Variants in CREB5 observed in about 807,000 individuals in gnomAD.
The protein encoded by CREB5 is cyclic AMP-responsive element-binding protein 5.
A neutral mutation model predicts 57.1 loss-of-function variants in CREB5; 19 were observed. That is an observed-to-expected ratio of 0.33 (90% CI 0.23 to 0.49). CREB5 has a LOEUF of 0.49. Among genes scored for constraint, CREB5 ranks in the 20% least tolerant of loss-of-function variants. CREB5 has a pLI of 0.99. For missense variants in CREB5, 579 were observed against 671.6 expected, an observed-to-expected ratio of 0.86 and a Z score of 1.52; for synonymous variants, 238 against 238.3, an observed-to-expected ratio of 1.00 and a Z score of 0.01.
chr7:28,675,236 C>T lies in CREB5; in HGVS notation c.465-43517C>T, dbSNP rs115077515. On this transcript the variant is annotated intron_variant, in intron 5 of 10. Transcript: ENST00000357727. ...CTAAAGTAAGAGTATTTGCTGTTTACGTGTTGATTATCTCTTTCGACCCAT... is the reference window on the plus strand; with the variant it reads ...CTAAAGTAAGAGTATTTGCTGTTTATGTGTTGATTATCTCTTTCGACCCAT... 9.4e-3 allele frequency among the ~76,000 whole-genome samples: 1,436 copies of T among 152,284 alleles called. 25 individuals are homozygous for T. Among genetic ancestry groups the T allele is most frequent in the African/African-American group, 0.033 (1,355 of 41,540 alleles).
chr7:28,721,574 A>G (rs1803033976), intron 6 of CREB5, among the ~76,000 whole-genome samples: 1 of 152,174 alleles, frequency 6.6e-6, no homozygotes, highest in African/African-American at 2.4e-5. Flanking sequence ...TGAGGACAGG[A>G]TTCTTCACTG....
chr7:28,718,663 G>A, intron 5 of CREB5, 90 bp from the exon 6 acceptor site: 1 of 1,545,988 alleles, frequency 6.5e-7, no homozygotes, highest in Non-Finnish European at 8.8e-7. Flanking sequence ...TGCTGCACAT[G>A]TGACATTGTT....
intron 5 of CREB5, among the ~76,000 whole-genome samples, chr7:28,672,346 A>G (rs1296856774): frequency 1.3e-5 from 2 of 152,134 alleles, no homozygotes. Context: ...GAGATAACAG[A>G]TTGCTTTGTA....
chr7:28,537,987 A>T (rs1425396002), intron 4 of CREB5, among the ~76,000 whole-genome samples: 3 of 152,156 alleles, frequency 2.0e-5, no homozygotes, highest in African/African-American at 7.2e-5. Flanking sequence ...TGGGGGAAAA[A>T]ATCTGTATGT....
intron 7 of CREB5, among the ~76,000 whole-genome samples, chr7:28,733,016 T>C (rs1434958931): frequency 3.9e-5 from 6 of 152,184 alleles, no homozygotes; most frequent in Non-Finnish European, 8.8e-5. Flanking sequence ...AATCATTAGC[T>C]TCACAGGATA....
intron 4 of CREB5, among the ~76,000 whole-genome samples, chr7:28,560,635 A>G (rs1450260879): frequency 6.6e-6 from 1 of 152,104 alleles, no homozygotes; most frequent in South Asian, 2.1e-4. Flanking sequence ...GGCAAGGCAG[A>G]TGTGGGAACC....
At chr7:28,597,579 T>C (rs141083446) in intron 5 of CREB5, among the ~76,000 whole-genome samples, 2 of 152,014 alleles carry the variant, frequency 1.3e-5, no homozygotes, top group African/African-American at 4.8e-5. Context: ...CTGGGAGGAG[T>C]CCAAGGTCAG....
chr7:28,725,858 T>C (rs1320620226), intron 7 of CREB5, among the ~76,000 whole-genome samples: 2 of 152,130 alleles, frequency 1.3e-5, no homozygotes, highest in Non-Finnish European at 2.9e-5. Flanking sequence ...TCCAGATAGA[T>C]ATTAGGTAGA....
chr7:28,551,929 T>C (rs912997166), intron 4 of CREB5, among the ~76,000 whole-genome samples: 1 of 147,936 alleles, frequency 6.8e-6, no homozygotes. Flanking sequence ...TTTTTCTTTC[T>C]TTCTTTTTTC....
chr7:28,691,145 C>T (rs962464599), intron 5 of CREB5, among the ~76,000 whole-genome samples: 6 of 152,104 alleles, frequency 3.9e-5, no homozygotes, highest in Non-Finnish European at 7.4e-5. Context: ...GTAGGCCAGG[C>T]GTGGTGACTT....
intron 5 of CREB5, among the ~76,000 whole-genome samples, chr7:28,664,575 A>G (rs1317252256): frequency 6.6e-6 from 1 of 152,128 alleles, no homozygotes; most frequent in Non-Finnish European, 1.5e-5. Context: ...TCCTAGGGAA[A>G]GGGTGACCAT....
At chr7:28,641,751 C>T (rs868700476) in intron 5 of CREB5, among the ~76,000 whole-genome samples, 16 of 152,260 alleles carry the variant, frequency 1.1e-4, no homozygotes, top group African/African-American at 2.2e-4. Context: ...TTGTCACCTC[C>T]GCAATCTTAT....
intron 5 of CREB5, among the ~76,000 whole-genome samples, chr7:28,673,990 T>C (rs548623494): frequency 1.3e-5 from 2 of 152,184 alleles, no homozygotes; most frequent in African/African-American, 4.8e-5. Context: ...CTCTTGCATA[T>C]GAAAACTACA....
chr7:28,727,308 G>T (rs1280809235), intron 7 of CREB5, among the ~76,000 whole-genome samples: 1 of 152,102 alleles, frequency 6.6e-6, no homozygotes, highest in African/African-American at 2.4e-5. Context: ...GCTCTGAGAG[G>T]CTTCTGTCTT....
intron 5 of CREB5, among the ~76,000 whole-genome samples, chr7:28,652,235 T>TA (rs756153777): frequency 6.6e-6 from 1 of 152,218 alleles, no homozygotes; most frequent in Non-Finnish European, 1.5e-5. Context: ...TATTAGTTAT[T>TA]AAAATTAGAA....
intron 5 of CREB5, among the ~76,000 whole-genome samples, chr7:28,578,947 T>A (rs148893405): frequency 6.6e-6 from 1 of 152,218 alleles, no homozygotes; most frequent in South Asian, 2.1e-4. Context: ...AAATTTTGAA[T>A]GTAAAGGGAA....
chr7:28,428,391 A>G (rs890415405), intron 1 of CREB5, among the ~76,000 whole-genome samples: 3 of 152,176 alleles, frequency 2.0e-5, no homozygotes, highest in African/African-American at 7.2e-5. Context: ...TCGACTGTGT[A>G]GGAGCAAGGG....
intron 5 of CREB5, among the ~76,000 whole-genome samples, chr7:28,620,520 G>A (rs1360213580): frequency 6.6e-6 from 1 of 152,142 alleles, no homozygotes; most frequent in African/African-American, 2.4e-5. Context: ...GTTATCTCTG[G>A]AGGGAATTCT....
At chr7:28,456,639 A>G (rs1463127374) in intron 1 of CREB5, among the ~76,000 whole-genome samples, 5 of 152,248 alleles carry the variant, frequency 3.3e-5, no homozygotes, top group Non-Finnish European at 7.3e-5. Flanking sequence ...ATGTTGTTGT[A>G]GTTCCAAAGT....
Sources: gnomAD v4.1 joint callset for allele counts (sites outside exome capture counted in the v4.1 genomes callset) on GRCh38, gnomAD v4.1.1 for gene constraint, MANE v1.5 for transcripts, NCBI Gene and HGNC (gene_info 2026-07-23, HGNC 2026-07-21) for gene names.